PLD5: variants seen among roughly 807,000 people sequenced by gnomAD.
PLD5 encodes the protein inactive phospholipase D5.
In PLD5, 36 loss-of-function variants were observed where a neutral mutation model predicts 61.1. The ratio of observed to expected loss-of-function variants is 0.59; its 90% CI spans 0.45 to 0.78. PLD5 has a LOEUF of 0.78. PLD5 is among the 30% of genes least tolerant of loss of function. The probability of loss-of-function intolerance (pLI) is 0.00; values close to 1 mark genes in which losing one functional copy is unlikely to be tolerated. For missense variants in PLD5, 515 were observed against 644.4 expected (o/e 0.80, Z 2.17); for synonymous variants, 243 against 242.8 (o/e 1.00, Z -0.01).
At chr1:242,212,664 C>T (rs992890583) in intron 5 of PLD5, among the ~76,000 whole-genome samples, 17 of 152,226 alleles carry the variant, frequency 1.1e-4, no homozygotes, top group Non-Finnish European at 1.8e-4. Context: ...CAAAGCACAG[C>T]GCCTAAGCAG....
At chr1:242,431,232 C>T (rs975847160) in intron 1 of PLD5, among the ~76,000 whole-genome samples, 1 of 152,112 alleles carries the variant, frequency 6.6e-6, no homozygotes, top group Non-Finnish European at 1.5e-5. Context: ...CTCCATTTCC[C>T]CCTTTCTTCA....
chr1:242,134,486 C>G (rs1350341792), intron 5 of PLD5, among the ~76,000 whole-genome samples: 1 of 151,920 alleles, frequency 6.6e-6, no homozygotes, highest in Admixed American at 6.6e-5. Context: ...TAATGGGAGG[C>G]ATGGACAAGT....
At chr1:242,139,157 C>T (rs1663969630) in intron 5 of PLD5, among the ~76,000 whole-genome samples, 1 of 152,052 alleles carries the variant, frequency 6.6e-6, no homozygotes, top group Admixed American at 6.6e-5. Context: ...TGTCAGTAAC[C>T]CCAGGTCTGC....
At chr1:242,173,610 A>G (rs1000068226) in intron 5 of PLD5, among the ~76,000 whole-genome samples, 1 of 152,236 alleles carries the variant, frequency 6.6e-6, no homozygotes, top group Non-Finnish European at 1.5e-5. Context: ...CCAAAAGTAC[A>G]AAGCTGGAGG....
intron 9 of PLD5, among the ~76,000 whole-genome samples, chr1:242,097,622 G>A (rs1050168920): frequency 4.6e-5 from 7 of 152,156 alleles, no homozygotes; most frequent in African/African-American, 1.7e-4. Context: ...ATTTGTTTGA[G>A]TTCTTTGTAG....
Position 242,100,772 on chromosome 1 carries a change from TC to T in PLD5, c.1249del (p.Asp417IlefsTer21). ...AGCACAAGCATTCTCTCTTTCCAGATCAAAAAATTTCTGTAAGAAAAAAAAA... is the reference window on the plus strand; with the variant it reads ...AGCACAAGCATTCTCTCTTTCCAGATAAAAAATTTCTGTAAGAAAAAAAAA... ...ANCSLKVKFF[D>X]LERENACATK... is the part of the protein sequence containing the mutation. On this transcript the variant is annotated frameshift_variant, in exon 9 of 10. Transcript: ENST00000536534. LOFTEE classifies it high-confidence loss of function. The T allele has an allele frequency of 6.2e-7, 1 of 1,606,112 alleles. No homozygotes were observed. Among genetic ancestry groups the T allele is most frequent in the Non-Finnish European group, 8.5e-7 (1 of 1,176,994 alleles).
chr1:242,337,215 A>G (rs1245431735), intron 2 of PLD5, among the ~76,000 whole-genome samples: 2 of 152,224 alleles, frequency 1.3e-5, no homozygotes, highest in East Asian at 3.8e-4. Flanking sequence ...GCATCTGCAT[A>G]ATACTTTCTA....
chr1:242,220,012 A>G lies in PLD5; in HGVS notation c.711T>C (p.Gly237=), dbSNP rs1574545658. 1 of 1,614,046 alleles carries G rather than the reference A, an allele frequency of 6.2e-7. No homozygotes were observed. Among genetic ancestry groups the G allele is most frequent in the Non-Finnish European group, 8.5e-7 (1 of 1,179,982 alleles). ...CCTGTCCCAGGGATTGCCAGTCCAA[A>G]CCGGCACTGCCGATATACACGTGCT... is the stretch of plus-strand genomic sequence containing the variant. ...DKQHVYIGSA[G]LDWQSLGQMK... Residue 237 remains glycine, a synonymous_variant, in exon 5 of 10, where the codon GGT becomes GGC. Coordinates refer to ENST00000536534, the MANE Select transcript of PLD5 (RefSeq NM_001372062.1).
chr1:242,090,780 C>T (rs894686394), intron 9 of PLD5, among the ~76,000 whole-genome samples: 14 of 152,184 alleles, frequency 9.2e-5, no homozygotes, highest in Admixed American at 7.2e-4. Context: ...TATTGTCTCA[C>T]GGTTCTGGAG....
chr1:242,193,714 C>T (rs1668426720), intron 5 of PLD5, among the ~76,000 whole-genome samples: 1 of 152,232 alleles, frequency 6.6e-6, no homozygotes, highest in Non-Finnish European at 1.5e-5. Flanking sequence ...GGTTTAGCCA[C>T]ATCTTAGCAC....
intron 1 of PLD5, among the ~76,000 whole-genome samples, chr1:242,494,238 T>C (rs1389942137): frequency 2.6e-5 from 4 of 152,008 alleles, no homozygotes; most frequent in African/African-American, 9.7e-5. Flanking sequence ...TCCCAGGCTA[T>C]GCAAGATGCT....
chr1:242,123,963 T>G (rs1038767426), intron 6 of PLD5, among the ~76,000 whole-genome samples: 1 of 152,162 alleles, frequency 6.6e-6, no homozygotes, highest in Non-Finnish European at 1.5e-5. Context: ...CTTGCCTGCT[T>G]GCCCCAACCA....
At chr1:242,121,924 C>T (rs1662399862) in intron 6 of PLD5, among the ~76,000 whole-genome samples, 1 of 131,044 alleles carries the variant, frequency 7.6e-6, no homozygotes, top group South Asian at 2.4e-4. Flanking sequence ...GGGAACATCA[C>T]ACACCAGGGC....
chr1:242,313,806 T>TTCATCGG (rs1676845395), intron 2 of PLD5, among the ~76,000 whole-genome samples: 1 of 22,560 alleles, frequency 4.4e-5, no homozygotes, highest in African/African-American at 6.5e-5. Flanking sequence ...GAGAATGTGC[T>TTCATCGG]TCATTGATCT....
At chr1:242,267,950 C>T (rs1673800803) in intron 3 of PLD5, among the ~76,000 whole-genome samples, 1 of 150,336 alleles carries the variant, frequency 6.7e-6, no homozygotes, top group Non-Finnish European at 1.5e-5. Flanking sequence ...CAGAGGCAAC[C>T]AGAGAGACAG....
chr1:242,457,699 A>G (rs1056432940), intron 1 of PLD5, among the ~76,000 whole-genome samples: 1 of 152,224 alleles, frequency 6.6e-6, no homozygotes, highest in African/African-American at 2.4e-5. Flanking sequence ...TAACTCCTTT[A>G]CAACAGACAA....
intron 1 of PLD5, among the ~76,000 whole-genome samples, chr1:242,414,729 C>T (rs1408130494): frequency 3.3e-5 from 5 of 152,104 alleles, no homozygotes; most frequent in Non-Finnish European, 5.9e-5. Context: ...AGAATTTTCT[C>T]ACTGTGACTC....
intron 5 of PLD5, among the ~76,000 whole-genome samples, chr1:242,150,184 A>G (rs984197512): frequency 2.0e-5 from 3 of 151,698 alleles, no homozygotes; most frequent in Non-Finnish European, 4.4e-5. Context: ...CTTACTTTTT[A>G]TAATTTCAAT....
chr1:242,436,457 T>C (rs1015738744), intron 1 of PLD5, among the ~76,000 whole-genome samples: 3 of 152,132 alleles, frequency 2.0e-5, no homozygotes, highest in Admixed American at 1.3e-4. Context: ...TGTTTTAATA[T>C]GTAATTGTTC....
Sources: allele counts gnomAD v4.1 joint callset (sites outside exome capture counted in the v4.1 genomes callset), GRCh38; gene constraint gnomAD v4.1.1; transcripts MANE v1.5; gene names NCBI Gene and HGNC (gene_info 2026-07-23, HGNC 2026-07-21).